CMIP: variants seen among roughly 807,000 people sequenced by gnomAD.
CMIP encodes c-Maf inducing protein, also known as C-Maf-inducing protein.
In CMIP, 13 loss-of-function variants were observed where a neutral mutation model predicts 97.3. The ratio of observed to expected loss-of-function variants is 0.13; its 90% CI spans 0.09 to 0.21. CMIP has a LOEUF of 0.21. Among genes scored for constraint, CMIP ranks in the 10% least tolerant of loss-of-function variants. CMIP has a pLI of 1.00. For synonymous variants in CMIP, 538 were observed against 436.3 expected (o/e 1.23, Z -2.91); for missense variants, 847 against 1,024.9 (o/e 0.83, Z 2.37).
At chr16:81,522,708 G>A (rs1211952287) in intron 1 of CMIP, among the ~76,000 whole-genome samples, 1 of 152,088 alleles carries the variant, frequency 6.6e-6, no homozygotes. Context: ...CCCGACTAGA[G>A]CATTGTTAGT....
chr16:81,476,718 C>T (rs1907946131), intron 1 of CMIP, among the ~76,000 whole-genome samples: 1 of 152,222 alleles, frequency 6.6e-6, no homozygotes, highest in Non-Finnish European at 1.5e-5. Flanking sequence ...TGTTGATGGT[C>T]TTCTAGATTG....
At chr16:81,623,744 A>G (rs1297164355) in intron 3 of CMIP, among the ~76,000 whole-genome samples, 1 of 152,228 alleles carries the variant, frequency 6.6e-6, no homozygotes, top group Admixed American at 6.5e-5. Flanking sequence ...GTGAATTTGG[A>G]TCCTGGTTCT....
intron 9 of CMIP, 51 bp downstream of exon 9, chr16:81,672,121 C>T (rs931340386): frequency 9.8e-6 from 11 of 1,120,570 alleles, no homozygotes; most frequent in Admixed American, 2.0e-5. Flanking sequence ...GGCAAACTGC[C>T]ACCCCCATCA....
At chr16:81,483,359 G>C (rs1035867247) in intron 1 of CMIP, among the ~76,000 whole-genome samples, 1 of 152,162 alleles carries the variant, frequency 6.6e-6, no homozygotes, top group Non-Finnish European at 1.5e-5. Flanking sequence ...AGGTAAATGT[G>C]GATGGAGCAG....
rs139582712 is a variant in CMIP at position 81,539,857 on chromosome 16, C to T, written c.301-67710C>T. On this transcript the variant is annotated intron_variant, in intron 1 of 20. Transcript: ENST00000537098. Reference sequence around the variant, plus strand: ...AATGCACAGTTCATAGCATGTGATTCATAGCACAATTTACATGAAATAATA... The same window carrying T: ...AATGCACAGTTCATAGCATGTGATTTATAGCACAATTTACATGAAATAATA... Among the ~76,000 whole-genome samples, 155 of 152,332 alleles carry T rather than the reference C, an allele frequency of 1.0e-3. 1 individual carries two copies. Among genetic ancestry groups the T allele is most frequent in the African/African-American group, 3.6e-3 (150 of 41,582 alleles).
intron 1 of CMIP, among the ~76,000 whole-genome samples, chr16:81,555,111 G>A (rs1454020268): frequency 2.0e-5 from 3 of 152,294 alleles, no homozygotes; most frequent in Middle Eastern, 3.4e-3. Flanking sequence ...GCCTCATCTC[G>A]GGTCTGCAGA....
At chr16:81,708,458 AAG>A (rs1567679224) in intron 20 of CMIP, among the ~76,000 whole-genome samples, 1 of 152,250 alleles carries the variant, frequency 6.6e-6, no homozygotes, top group Non-Finnish European at 1.5e-5. Context: ...CCAAGCTGGA[AAG>A]AGAACATGGG....
rs1907223499 is a variant in CMIP at position 81,466,626 on chromosome 16, T to G, written c.300+21085T>G. ...GGTATTACTTACGAACGGGCCATGA[T>G]TGCATAATGAATCTGATGGCTACAT... On this transcript the variant is annotated intron_variant, in intron 1 of 20. Coordinates refer to ENST00000537098, the MANE Select transcript of CMIP (RefSeq NM_198390.3). Among the ~76,000 whole-genome samples the G allele has an allele frequency of 2.0e-5, 3 of 152,222 alleles. No individual in the cohort carries two copies. The South Asian group carries it at 6.2e-4, about 32-fold the overall frequency.
chr16:81,525,461 AT>A (rs930197235), intron 1 of CMIP, among the ~76,000 whole-genome samples: 285 of 150,440 alleles, frequency 1.9e-3, no homozygotes, highest in African/African-American at 6.0e-3. Flanking sequence ...TATTTCCTTA[AT>A]TTTTTTTTTA....
chr16:81,448,579 G>A (rs535756896), intron 1 of CMIP, among the ~76,000 whole-genome samples: 1 of 152,356 alleles, frequency 6.6e-6, no homozygotes, highest in East Asian at 1.9e-4. Context: ...TTTGCCTCCT[G>A]TGGGATCAGG....
chr16:81,661,302 G>A (rs368883829), intron 6 of CMIP, among the ~76,000 whole-genome samples: 1 of 152,244 alleles, frequency 6.6e-6, no homozygotes, highest in South Asian at 2.1e-4. Context: ...GGGTGCGGCT[G>A]TGGGGCTTTC....
chr16:81,673,541 A>C (rs140895094), intron 9 of CMIP, among the ~76,000 whole-genome samples: 2 of 151,608 alleles, frequency 1.3e-5, no homozygotes, highest in African/African-American at 4.8e-5. Context: ...AATAAATAAG[A>C]AAGCAAGCAA....
chr16:81,545,753 G>T (rs924257194), intron 1 of CMIP, among the ~76,000 whole-genome samples: 4 of 152,158 alleles, frequency 2.6e-5, no homozygotes, highest in African/African-American at 9.7e-5. Flanking sequence ...AGCTCCAAAC[G>T]CCCAGCTTAC....
In CMIP at chr16:81,693,506, C is replaced by T. The variant is rs1337070331; in HGVS notation, c.1530+19C>T. ...GCAAGAGGTGAGGCCTTTGTTTCTGCATCTCAGGCCGGCTGTCTGGGGATG... is the reference window on the plus strand; with the variant it reads ...GCAAGAGGTGAGGCCTTTGTTTCTGTATCTCAGGCCGGCTGTCTGGGGATG... On this transcript the variant is annotated intron_variant, in intron 13 of 20. Transcript: ENST00000537098. The T allele has an allele frequency of 6.2e-7, 1 of 1,607,080 alleles. No individual in the cohort carries two copies. Among genetic ancestry groups the T allele is most frequent in the Non-Finnish European group, 8.5e-7 (1 of 1,175,934 alleles).
At chr16:81,496,285 G>A (rs1441916044) in intron 1 of CMIP, among the ~76,000 whole-genome samples, 2 of 152,134 alleles carry the variant, frequency 1.3e-5, no homozygotes, top group Non-Finnish European at 2.9e-5. Flanking sequence ...AATATTTGTC[G>A]TGCCTGTTGT....
rs542882672 is a variant in CMIP, at chr16:81,709,834, C to T, written c.*35C>T. The T allele has an allele frequency of 1.5e-4, 235 of 1,611,896 alleles. 5 individuals are homozygous for T. The South Asian group carries it at 2.4e-3, about 17-fold the overall frequency. ...CTCAAGGCAGGAAGACGTTTGCAAC[C>T]GCGACAAAATAACTCTTGACTAACA... On this transcript the variant is annotated 3_prime_UTR_variant, in exon 21 of 21. Transcript: ENST00000537098.
At chr16:81,696,374 G>A in intron 13 of CMIP, 186 bp from the exon 14 acceptor site, 1 of 646,110 alleles carries the variant, frequency 1.5e-6, no homozygotes, top group Non-Finnish European at 2.7e-6. Context: ...GGGGGCCACG[G>A]TATTTCCCGA....
intron 1 of CMIP, among the ~76,000 whole-genome samples, chr16:81,500,524 C>G (rs1198322021): frequency 2.1e-5 from 3 of 141,462 alleles, no homozygotes; most frequent in Non-Finnish European, 4.6e-5. Flanking sequence ...GAGTCTCACT[C>G]TGTCGCCAGG....
intron 10 of CMIP, among the ~76,000 whole-genome samples, chr16:81,688,647 A>G (rs948664766): frequency 2.6e-5 from 4 of 152,174 alleles, no homozygotes; most frequent in African/African-American, 9.7e-5. Context: ...TATTACCGTC[A>G]TTAGCATCAA....
Sources: gnomAD v4.1 joint callset for allele counts (sites outside exome capture counted in the v4.1 genomes callset) on GRCh38, gnomAD v4.1.1 for gene constraint, MANE v1.5 for transcripts, NCBI Gene and HGNC (gene_info 2026-07-23, HGNC 2026-07-21) for gene names.